SPARCL1: variants seen among roughly 807,000 people sequenced by gnomAD.
SPARCL1 encodes the protein SPARC-like protein 1.
Under a neutral mutation model 67.1 loss-of-function variants are expected in SPARCL1, and 52 were observed. The ratio of observed to expected loss-of-function variants is 0.78; its 90% confidence interval spans 0.62 to 0.98. The LOEUF (loss-of-function observed/expected upper bound fraction) is 0.98. Ranked by LOEUF, SPARCL1 falls within the 50% of genes least tolerant of loss-of-function variation. SPARCL1 has a pLI of 0.00. For missense variants in SPARCL1, 717 were observed against 782.4 expected (o/e 0.92, Z 1.00); for synonymous variants, 226 against 267.8 (o/e 0.84, Z 1.52).
At chr4:87,511,044 T>G (rs1326623798) in intron 1 of SPARCL1, among the ~76,000 whole-genome samples, 2 of 152,136 alleles carry the variant, frequency 1.3e-5, no homozygotes, top group Non-Finnish European at 1.5e-5. Flanking sequence ...CAGGGCGGGC[T>G]GAGTAAACAA....
At chr4:87,504,549 C>T (rs895896590) in intron 1 of SPARCL1, among the ~76,000 whole-genome samples, 7 of 152,140 alleles carry the variant, frequency 4.6e-5, no homozygotes, top group African/African-American at 1.7e-4. Flanking sequence ...GCCTAGAAAG[C>T]CTACAGTGTG....
At chr4:87,476,875 A>G (rs1723605301) in intron 10 of SPARCL1, among the ~76,000 whole-genome samples, 1 of 152,224 alleles carries the variant, frequency 6.6e-6, no homozygotes, top group Non-Finnish European at 1.5e-5. Flanking sequence ...TCTCCTGTAG[A>G]TTTCTCAGCC....
Position 87,473,361 on chromosome 4 carries a change from G to A in SPARCL1, c.*414C>T, listed in dbSNP as rs1723425805. On this transcript the variant is annotated 3_prime_UTR_variant, in exon 11 of 11. Coordinates refer to ENST00000282470, the MANE Select transcript of SPARCL1 (RefSeq NM_004684.6). The stretch of plus-strand genomic sequence containing the variant: ...TTGGATTTTTATGGACTCTTTATTA[G>A]GGTATTAAGATATTGAAAATAATAC... 6.5e-6 allele frequency: 1 copy of A among 153,818 alleles called. No homozygotes were observed. Among genetic ancestry groups the A allele is most frequent in the Admixed American group, 6.5e-5 (1 of 15,332 alleles). The allele number at this position is 153,818 out of a possible 1,614,324, so 9.5% of individuals were successfully genotyped here. A position where few individuals can be genotyped will look rare whatever the true frequency, so the allele number is the denominator to read the frequency against.
rs144478410 is a variant in SPARCL1, at chr4:87,491,617, C to G, written c.1291+1G>C. 3 of 1,608,282 alleles carry G rather than the reference C, an allele frequency of 1.9e-6. No individual in the cohort carries two copies. The African/African-American group carries it at 4.0e-5, about 22-fold the overall frequency. ...AAACAGCTTGCTTCATGCATACTCA[C>G]CCACAGCATGCACCCTCATGTTGCC... On this transcript the variant is annotated splice_donor_variant, in intron 5 of 10. Transcript: ENST00000282470. LOFTEE classifies it high-confidence loss of function.
chr4:87,498,206 T>A (rs1724701120), intron 2 of SPARCL1, among the ~76,000 whole-genome samples: 1 of 152,240 alleles, frequency 6.6e-6, no homozygotes, highest in Non-Finnish European at 1.5e-5. Flanking sequence ...GTGTAATGTA[T>A]AATTTCAGCT....
rs1578093827 is a variant in SPARCL1, at chr4:87,480,536, C to T, written c.1669-16G>A. The T allele has an allele frequency of 6.3e-7, 1 of 1,599,334 alleles. No individual in the cohort carries two copies. Among genetic ancestry groups the T allele is most frequent in the East Asian group, 2.2e-5 (1 of 44,724 alleles). On this transcript the variant is annotated splice_polypyrimidine_tract_variant and intron_variant, in intron 8 of 10. Coordinates refer to ENST00000282470, the MANE Select transcript of SPARCL1 (RefSeq NM_004684.6). The stretch of plus-strand genomic sequence containing the variant: ...TTTTCTTGACCTGGGATTAGGAAGG[C>T]AGAAGACTGTCAGAGAATCAGACAA...
intron 8 of SPARCL1, among the ~76,000 whole-genome samples, chr4:87,482,087 A>G (rs551818486): frequency 6.6e-5 from 10 of 152,338 alleles, no homozygotes; most frequent in Admixed American, 2.0e-4. Context: ...TATGAGAACA[A>G]AACAAATGCT....
intron 7 of SPARCL1, among the ~76,000 whole-genome samples, chr4:87,489,108 T>G (rs912394925): frequency 6.6e-6 from 1 of 152,174 alleles, no homozygotes; most frequent in Non-Finnish European, 1.5e-5. Context: ...CAGTTCTGTC[T>G]TGCTGGCATT....
chr4:87,523,226 A>G (rs2110268188), intron 1 of SPARCL1, among the ~76,000 whole-genome samples: 1 of 149,838 alleles, frequency 6.7e-6, no homozygotes, highest in Admixed American at 6.7e-5. Context: ...ACACCACTGC[A>G]CTCCAGCCTG....
chr4:87,481,780 G>A (rs536690845), intron 8 of SPARCL1, among the ~76,000 whole-genome samples: 1 of 152,258 alleles, frequency 6.6e-6, no homozygotes, highest in Middle Eastern at 3.4e-3. Flanking sequence ...GCATATATAT[G>A]TATGTACAAA....
chr4:87,488,142 C>T (rs1383882218), intron 7 of SPARCL1, among the ~76,000 whole-genome samples: 1 of 152,198 alleles, frequency 6.6e-6, no homozygotes, highest in Non-Finnish European at 1.5e-5. Context: ...CCCTTGCTGG[C>T]AAGGAGTTGT....
chr4:87,518,076 A>T (rs1171501851), intron 1 of SPARCL1, among the ~76,000 whole-genome samples: 1 of 152,234 alleles, frequency 6.6e-6, no homozygotes, highest in Non-Finnish European at 1.5e-5. Context: ...AGTGGTGCAA[A>T]GTTACTTATT....
chr4:87,500,488 C>T (rs1724798747), intron 1 of SPARCL1, among the ~76,000 whole-genome samples: 1 of 152,000 alleles, frequency 6.6e-6, no homozygotes, highest in Non-Finnish European at 1.5e-5. Flanking sequence ...TGCAGGATAT[C>T]CCTAAGTCTG....
chr4:87,495,543 C>A (rs1299401008), intron 2 of SPARCL1, among the ~76,000 whole-genome samples: 3 of 152,014 alleles, frequency 2.0e-5, no homozygotes, highest in Non-Finnish European at 4.4e-5. Flanking sequence ...AATTTAAGTA[C>A]CCACCGATAA....
At chr4:87,521,351 C>T (rs1205683475) in intron 1 of SPARCL1, among the ~76,000 whole-genome samples, 6 of 152,186 alleles carry the variant, frequency 3.9e-5, no homozygotes, top group Non-Finnish European at 1.5e-5. Flanking sequence ...CATTAATAAG[C>T]TGTCTGAACA....
At chr4:87,482,651 A>G (rs1723881096) in intron 7 of SPARCL1, 91 bp from the exon 8 acceptor site, 4 of 1,417,764 alleles carry the variant, frequency 2.8e-6, no homozygotes, top group East Asian at 2.3e-5. Flanking sequence ...ACTTCTGGCA[A>G]CTGACAGAGC....
At position 87,512,197 on chromosome 4, in the gene SPARCL1, A is replaced by T. The variant is rs576072194; in HGVS notation, c.-11-12612T>A. Among the ~76,000 whole-genome samples the T allele has an allele frequency of 3.3e-5, 5 of 151,568 alleles. No homozygotes were observed. The South Asian group carries it at 1.0e-3, about 32-fold the overall frequency. On this transcript the variant is annotated intron_variant, in intron 1 of 10. Transcript: ENST00000282470. ...TGGTCAGGCTGGTCTCAAACTCCTG[A>T]CCTCAGGTGATCCACCTGCCTCAGC...
chr4:87,497,732 G>A (rs1724678215), intron 2 of SPARCL1, among the ~76,000 whole-genome samples: 1 of 152,186 alleles, frequency 6.6e-6, no homozygotes, highest in East Asian at 1.9e-4. Context: ...CTAAATGCAA[G>A]TGTGTCATTC....
chr4:87,506,245 G>A (rs887743539), intron 1 of SPARCL1, among the ~76,000 whole-genome samples: 4 of 152,108 alleles, frequency 2.6e-5, no homozygotes, highest in Non-Finnish European at 5.9e-5. Flanking sequence ...TATGATCTTT[G>A]GCAAGTTACT....
Sources: allele counts gnomAD v4.1 joint callset (sites outside exome capture counted in the v4.1 genomes callset), GRCh38; gene constraint gnomAD v4.1.1; transcripts MANE v1.5; gene names NCBI Gene and HGNC (gene_info 2026-07-23, HGNC 2026-07-21).